Variants in PPA2 observed in about 807,000 individuals in gnomAD.
PPA2 encodes the protein inorganic pyrophosphatase 2, mitochondrial.
PPA2 carries 48 observed loss-of-function variants against 49.5 expected under a neutral mutation model. The observed-to-expected ratio is 0.97, with a 90% CI of 0.77 to 1.23. The LOEUF is 1.23. Among genes scored for constraint, PPA2 ranks in the 50% most tolerant of loss-of-function variants. PPA2 has a pLI of 0.00. For synonymous variants in PPA2, 131 were observed against 139.9 expected, an observed-to-expected ratio of 0.94 and a Z score of 0.45; for missense variants, 429 against 410.1, an observed-to-expected ratio of 1.05 and a Z score of -0.40.
At chr4:105,433,141 G>C (rs566733668) in intron 6 of PPA2, among the ~76,000 whole-genome samples, 2 of 152,100 alleles carry the variant, frequency 1.3e-5, no homozygotes, top group East Asian at 3.9e-4. Flanking sequence ...AAACAAAAAG[G>C]CTAGGAGAAG....
intron 7 of PPA2, among the ~76,000 whole-genome samples, chr4:105,400,867 A>G (rs116667271): frequency 1.3e-5 from 2 of 152,160 alleles, no homozygotes; most frequent in African/African-American, 4.8e-5. Context: ...ACAAATTAGG[A>G]AAAAAACTGA....
chr4:105,418,609 T>C (rs2636711), intron 7 of PPA2, among the ~76,000 whole-genome samples: 56,882 of 152,174 alleles, frequency 0.37, 12,587 homozygotes, highest in East Asian at 0.67. Flanking sequence ...ACAATGTATC[T>C]ATATCAATAT....
At chr4:105,449,917 A>G (rs895625593) in intron 3 of PPA2, among the ~76,000 whole-genome samples, 2 of 152,236 alleles carry the variant, frequency 1.3e-5, no homozygotes, top group Non-Finnish European at 2.9e-5. Flanking sequence ...ATCACAGTGT[A>G]AAATTCAGGA....
At chr4:105,417,538 A>G (rs767835790) in intron 7 of PPA2, among the ~76,000 whole-genome samples, 1 of 139,446 alleles carries the variant, frequency 7.2e-6, no homozygotes, top group Non-Finnish European at 1.6e-5. Context: ...ACTTCACCAT[A>G]TCATGGGAAT....
chr4:105,449,608 G>A (rs1358513234), intron 3 of PPA2, among the ~76,000 whole-genome samples: 1 of 152,158 alleles, frequency 6.6e-6, no homozygotes, highest in Non-Finnish European at 1.5e-5. Context: ...CATGTCACTT[G>A]AGCACTTACA....
chr4:105,412,245 A>T (rs9992977), intron 7 of PPA2, among the ~76,000 whole-genome samples: 33 of 152,226 alleles, frequency 2.2e-4, no homozygotes, highest in African/African-American at 7.0e-4. Flanking sequence ...CAAAACAGAG[A>T]TATAGACCAA....
intron 10 of PPA2, among the ~76,000 whole-genome samples, chr4:105,385,777 G>A (rs1471379426): frequency 1.3e-5 from 2 of 151,750 alleles, no homozygotes; most frequent in Non-Finnish European, 2.9e-5. Context: ...CTTACAGAAG[G>A]AAAGCATGTG....
intron 3 of PPA2, among the ~76,000 whole-genome samples, chr4:105,452,759 T>C: frequency 6.6e-6 from 1 of 152,052 alleles, no homozygotes; most frequent in Non-Finnish European, 1.5e-5. Flanking sequence ...ATCAGAGGGA[T>C]AAAAGGACAC....
chr4:105,369,501 G>C lies in PPA2; in HGVS notation c.*224C>G. On this transcript the variant is annotated 3_prime_UTR_variant, in exon 12 of 12. Coordinates refer to ENST00000341695, the MANE Select transcript of PPA2 (RefSeq NM_176869.3). ...GCCTCCCAAAGTGCTGAAATTACAGGCATGAGCCACCGTGCCTGGCCAAAA... is the reference window on the plus strand; with the variant it reads ...GCCTCCCAAAGTGCTGAAATTACAGCCATGAGCCACCGTGCCTGGCCAAAA... The C allele has an allele frequency of 2.0e-6, 1 of 489,258 alleles. No homozygotes were observed. Among genetic ancestry groups the C allele is most frequent in the Non-Finnish European group, 3.6e-6 (1 of 274,454 alleles). 30.3% of individuals were successfully genotyped at this position (489,258 alleles called of 1,614,324 possible).
chr4:105,445,792 GA>G (rs1417945701), intron 5 of PPA2, among the ~76,000 whole-genome samples: 1 of 151,998 alleles, frequency 6.6e-6, no homozygotes, highest in Non-Finnish European at 1.5e-5. Context: ...AAACATGAGA[GA>G]AAACCAAAAG....
At chr4:105,465,285 G>A (rs1723255974) in intron 1 of PPA2, among the ~76,000 whole-genome samples, 1 of 152,150 alleles carries the variant, frequency 6.6e-6, no homozygotes, top group Admixed American at 6.5e-5. Flanking sequence ...TTTTCTTCGT[G>A]TTTCTAATTA....
chr4:105,411,106 A>G (rs1722734472), intron 7 of PPA2, among the ~76,000 whole-genome samples: 1 of 152,246 alleles, frequency 6.6e-6, no homozygotes. Flanking sequence ...CCCAATTAAA[A>G]GACACAGACT....
intron 10 of PPA2, among the ~76,000 whole-genome samples, chr4:105,374,957 GC>G (rs1490553653): frequency 1.3e-5 from 2 of 150,720 alleles, no homozygotes; most frequent in Non-Finnish European, 2.9e-5. Flanking sequence ...CTCCTTAAGT[GC>G]TGGGATTACA....
At chr4:105,472,048 A>G (rs777051978) in intron 1 of PPA2, among the ~76,000 whole-genome samples, 1 of 152,228 alleles carries the variant, frequency 6.6e-6, no homozygotes, top group Non-Finnish European at 1.5e-5. Flanking sequence ...AAATGCCCCC[A>G]TTCGACATCC....
intron 4 of PPA2, chr4:105,448,098 G>T: frequency 2.5e-6 from 1 of 402,550 alleles, no homozygotes; most frequent in Non-Finnish European, 4.9e-6. Flanking sequence ...TAAAACCTAT[G>T]TATATAGGAA....
intron 7 of PPA2, among the ~76,000 whole-genome samples, chr4:105,403,920 T>A (rs1350004382): frequency 2.6e-5 from 4 of 151,340 alleles, no homozygotes; most frequent in Admixed American, 2.6e-4. Flanking sequence ...TTTTTTTGAA[T>A]CCAAAAACAC....
chr4:105,439,459 G>T (rs1173468678), intron 5 of PPA2, among the ~76,000 whole-genome samples: 1 of 151,998 alleles, frequency 6.6e-6, no homozygotes, highest in Non-Finnish European at 1.5e-5. Flanking sequence ...TTCTTTCCCA[G>T]TCTTCCCGTT....
chr4:105,472,689 A>T (rs1479540772), intron 1 of PPA2, among the ~76,000 whole-genome samples: 1 of 152,234 alleles, frequency 6.6e-6, no homozygotes, highest in Non-Finnish European at 1.5e-5. Flanking sequence ...TTTGAAGAAA[A>T]TAGAAATTCT....
intron 5 of PPA2, among the ~76,000 whole-genome samples, chr4:105,439,044 A>G (rs1188966196): frequency 1.3e-5 from 2 of 152,136 alleles, no homozygotes; most frequent in African/African-American, 4.8e-5. Flanking sequence ...GTCCAACAAC[A>G]TTTCACTGCC....
Sources: allele counts gnomAD v4.1 joint callset (sites outside exome capture counted in the v4.1 genomes callset), GRCh38; gene constraint gnomAD v4.1.1; transcripts MANE v1.5; gene names NCBI Gene and HGNC (gene_info 2026-07-23, HGNC 2026-07-21).